OFD1: variants seen among roughly 807,000 people sequenced by gnomAD.
OFD1 encodes OFD1 centriole and centriolar satellite protein, also known as centriole and centriolar satellite protein OFD1.
Under a neutral mutation model 81.4 loss-of-function variants are expected in OFD1, and 12 were observed. That is an observed-to-expected ratio of 0.15 (90% confidence interval 0.09 to 0.24). The LOEUF is 0.24. Among genes scored for constraint, OFD1 ranks in the 10% least tolerant of loss-of-function variants. The pLI, the probability that OFD1 is intolerant of heterozygous loss-of-function variation, is 1.00. For synonymous variants in OFD1, 256 were observed against 263.7 expected (o/e 0.97, Z 0.28); for missense variants, 685 against 733.9 (o/e 0.93, Z 0.77).
upstream of OFD1, among the ~76,000 whole-genome samples, chrX:13,729,869 T>C (rs962456901): frequency 9.9e-5 from 11 of 111,354 alleles, no homozygotes; most frequent in Non-Finnish European, 1.7e-4. Flanking sequence ...GATTGCACCA[T>C]TGCACTCCAG....
chrX:13,754,440 G>A (rs1485196137), intron 11 of OFD1, among the ~76,000 whole-genome samples: 1 of 102,324 alleles, frequency 9.8e-6, no homozygotes, highest in South Asian at 4.5e-4. Context: ...TTTAAGAGAC[G>A]GAGTCTTGCT....
chrX:13,757,907 C>G (rs2285636), intron 14 of OFD1, 117 bp downstream of exon 14: 7 of 837,201 alleles, frequency 8.4e-6, no homozygotes, highest in Middle Eastern at 2.8e-4. Context: ...ACATTACTCC[C>G]CCAAATATGC....
At chrX:13,738,337 T>C (rs1299850150) in intron 3 of OFD1, among the ~76,000 whole-genome samples, 1 of 112,741 alleles carries the variant, frequency 8.9e-6, no homozygotes, top group East Asian at 2.7e-4. Flanking sequence ...AAAACAAATA[T>C]CAGTGTTCTC....
intron 9 of OFD1, among the ~76,000 whole-genome samples, chrX:13,750,477 C>G (rs966805464): frequency 3.6e-5 from 4 of 112,107 alleles, no homozygotes; most frequent in African/African-American, 1.3e-4. Flanking sequence ...TCTCACCACC[C>G]ATGAACCTAC....
chrX:13,766,306 T>C (rs1310723961), intron 19 of OFD1, among the ~76,000 whole-genome samples: 1 of 111,397 alleles, frequency 9.0e-6, no homozygotes, highest in African/African-American at 3.3e-5. Context: ...GCTGTTTCAG[T>C]AGTCCAGGGA....
At chrX:13,773,219 TG>T (rs2048333243), downstream of OFD1, 2 of 326,645 alleles carry the variant, frequency 6.1e-6, no homozygotes, top group Non-Finnish European at 1.1e-5. Flanking sequence ...ATTAAAAGGC[TG>T]AAGAAAAGTT....
At chrX:13,745,471 C>T (rs922986460) in intron 6 of OFD1, among the ~76,000 whole-genome samples, 4 of 112,392 alleles carry the variant, frequency 3.6e-5, no homozygotes, top group African/African-American at 1.3e-4. Flanking sequence ...ATTTAAAGCA[C>T]ATCTCAGTTG....
At chrX:13,734,605 C>G (rs2046772282), upstream of OFD1, 1 of 747,885 alleles carries the variant, frequency 1.3e-6, no homozygotes, top group Admixed American at 6.2e-5. Context: ...AGCCAGAACG[C>G]CGAAGCAGTT....
chrX:13,768,898 T>G (rs903045527), intron 22 of OFD1, 113 bp downstream of exon 22: 61 of 783,087 alleles, frequency 7.8e-5, no homozygotes, highest in African/African-American at 1.4e-4. Context: ...TCAGTCAAAA[T>G]TAGTGACTAT....
chrX:13,749,606 T>C, intron 9 of OFD1, 73 bp downstream of exon 9: 1 of 642,025 alleles, frequency 1.6e-6, no homozygotes, highest in South Asian at 2.4e-5. Context: ...TATATCTAAA[T>C]ATTCTAATGT....
intron 2 of OFD1, 69 bp from the exon 3 acceptor site, chrX:13,736,409 A>G: frequency 8.9e-7 from 1 of 1,123,319 alleles, no homozygotes; most frequent in Non-Finnish European, 1.2e-6. Context: ...TATATCTCTA[A>G]TGAAACAGTC....
the OFD1 span, chrX:13,719,780 G>A: frequency 1.5e-6 from 1 of 682,040 alleles, no homozygotes; most frequent in African/African-American, 2.4e-5. Context: ...TTTAATTGTG[G>A]TGGATTTCAG....
chrX:13,749,477 G>A lies in OFD1; in HGVS notation c.879G>A (p.Met293Ile). 2.5e-6 allele frequency: 3 copies of A among 1,203,211 alleles called. No individual in the cohort carries two copies. Among genetic ancestry groups the A allele is most frequent in the Non-Finnish European group, 3.4e-6 (3 of 888,964 alleles). ...AAAGGCAACTTTTACTAAAAGATAT[G>A]GATTTGCTAAGAGGAAGAGAAGCAG... ...YAQRQLLLKD[M>I]DLLRGREAEL... The change falls in exon 9 of 23, where the codon ATG becomes ATA. Residue 293 changes from methionine (M) to isoleucine (I), a missense_variant. Met to Ile is a conservative substitution (Grantham distance 10). Coordinates refer to ENST00000340096, the MANE Select transcript of OFD1 (RefSeq NM_003611.3).
the OFD1 span, chrX:13,715,607 C>T: frequency 1.0e-3 from 133 of 127,803 alleles, no homozygotes; most frequent in Non-Finnish European, 1.5e-3. Context: ...TCACTTCCTG[C>T]CAGTTTATGA....
At chrX:13,736,758 C>A in intron 3 of OFD1, 80 bp downstream of exon 3, 1 of 709,082 alleles carries the variant, frequency 1.4e-6, no homozygotes, top group Non-Finnish European at 2.2e-6. Context: ...TGTATGATAG[C>A]TAAGTGCTCC....
At chrX:13,719,804 C>T in the OFD1 span, 1 of 797,205 alleles carries the variant, frequency 1.3e-6, no homozygotes, top group Non-Finnish European at 1.7e-6. Context: ...CCTTATCTGT[C>T]CAGATCTTCC....
rs772432527 is a variant in OFD1 at position 13,768,698 on chromosome X, C to T, written c.2929-20C>T. On this transcript the variant is annotated intron_variant, in intron 21 of 22. Transcript: ENST00000340096. ...ATGCATATCTAATTTCAAAATTTTC[C>T]ACCCTCTCCATGTAATCAGAGCTCA... The T allele has an allele frequency of 3.4e-6, 4 of 1,187,338 alleles. No individual in the cohort carries two copies. In the African/African-American group the frequency reaches 7.1e-5, roughly 21 times the overall value.
At chrX:13,743,981 C>G (rs984123981) in intron 5 of OFD1, among the ~76,000 whole-genome samples, 3 of 111,457 alleles carry the variant, frequency 2.7e-5, no homozygotes, top group African/African-American at 9.8e-5. Flanking sequence ...TTGGGAAGGC[C>G]TTTTCTCAGA....
chrX:13,756,047 C>T (rs144918319), intron 12 of OFD1, among the ~76,000 whole-genome samples: 1 of 104,406 alleles, frequency 9.6e-6, no homozygotes, highest in Non-Finnish European at 1.9e-5. Context: ...CTCCACCTCC[C>T]GGGTTCAAGT....
Sources: gnomAD v4.1 joint callset for allele counts (sites outside exome capture counted in the v4.1 genomes callset) on GRCh38, gnomAD v4.1.1 for gene constraint, MANE v1.5 for transcripts, NCBI Gene and HGNC (gene_info 2026-07-23, HGNC 2026-07-21) for gene names.